DDX60L: variants seen among roughly 807,000 people sequenced by gnomAD.
The protein encoded by DDX60L is probable ATP-dependent RNA helicase DDX60-like.
In DDX60L, 191 loss-of-function variants were observed where a neutral mutation model predicts 211.6. The observed-to-expected ratio is 0.90, with a 90% CI of 0.80 to 1.02. The LOEUF is 1.02. DDX60L is among the 50% of genes least tolerant of loss of function. The pLI is 0.00. For missense variants in DDX60L, 2,007 were observed against 1,984.1 expected (o/e 1.01, Z -0.22); for synonymous variants, 706 against 694.1 (o/e 1.02, Z -0.27).
intron 35 of DDX60L, 69 bp from the exon 36 acceptor site, chr4:168,371,832 TCC>T: frequency 7.2e-7 from 1 of 1,382,262 alleles, no homozygotes; most frequent in Non-Finnish European, 9.8e-7. Context: ...GTTTGAGATT[TCC>T]TTTGTATGAA....
At chr4:168,423,395 T>C (rs959336775) in intron 15 of DDX60L, among the ~76,000 whole-genome samples, 1 of 152,144 alleles carries the variant, frequency 6.6e-6, no homozygotes, top group African/African-American at 2.4e-5. Context: ...TCAGGAAGCA[T>C]CTGTACAAAT....
intron 29 of DDX60L, chr4:168,389,966 G>C (rs1325752102): frequency 6.0e-6 from 1 of 166,220 alleles, no homozygotes; most frequent in Non-Finnish European, 1.2e-5. Context: ...ATACAATTCT[G>C]TTTTAAGTGC....
intron 25 of DDX60L, 27 bp from the exon 26 acceptor site, chr4:168,401,005 G>T (rs1560992992): frequency 1.3e-6 from 2 of 1,598,006 alleles, no homozygotes; most frequent in African/African-American, 2.7e-5. Flanking sequence ...ACAGTGCTTT[G>T]AAAAGACTAT....
Position 168,384,717 on chromosome 4 carries a change from G to T in DDX60L, c.4011C>A (p.Ser1337=). ...PLPKIKRLLA[S]SVPELRGQFP... ...ACTGTCCTCTCAGCTCAGGAACACT[G>T]GATGCAAGGAGTCTTTTTATTTTGG... The change falls in exon 30 of 38, where the codon TCC becomes TCA. Residue 1337 remains serine, a synonymous_variant. Coordinates refer to ENST00000682922, the MANE Select transcript of DDX60L (RefSeq NM_001012967.3). 6.2e-7 allele frequency: 1 copy of T among 1,613,802 alleles called. No homozygotes were observed. Among genetic ancestry groups the T allele is most frequent in the Non-Finnish European group, 8.5e-7 (1 of 1,179,926 alleles).
intron 1 of DDX60L, among the ~76,000 whole-genome samples, chr4:168,479,981 CAAAAAAAAA>C (rs60737462): frequency 3.0e-5 from 3 of 100,898 alleles, no homozygotes; most frequent in African/African-American, 1.1e-4. Context: ...GAGACTGACT[CAAAAAAAAA>C]AAAAAAAAAA....
At chr4:168,433,910 T>G (rs1261310443) in intron 10 of DDX60L, among the ~76,000 whole-genome samples, 1 of 152,238 alleles carries the variant, frequency 6.6e-6, no homozygotes. Context: ...GTACTTATAC[T>G]AGTTACACTA....
At chr4:168,407,009 C>T (rs1230638826) in intron 22 of DDX60L, among the ~76,000 whole-genome samples, 1 of 152,176 alleles carries the variant, frequency 6.6e-6, no homozygotes, top group Non-Finnish European at 1.5e-5. Flanking sequence ...CCTTAGAATG[C>T]CAGTGAGGGT....
In DDX60L at chr4:168,361,139, T is replaced by A; in HGVS notation, c.4991+10A>T. 3 of 1,593,894 alleles carry A rather than the reference T, an allele frequency of 1.9e-6. No homozygotes were observed. The highest frequency in any genetic ancestry group is 1.7e-6 in the Non-Finnish European group (2 of 1,165,038). On this transcript the variant is annotated intron_variant, in intron 37 of 37. Coordinates refer to ENST00000682922, the MANE Select transcript of DDX60L (RefSeq NM_001012967.3). ...ATAATTGAGAAAATCAAACTCAGCA[T>A]GAAACATACCTGATAGCCTGAATGT...
intron 1 of DDX60L, among the ~76,000 whole-genome samples, chr4:168,473,464 T>C (rs1397580622): frequency 6.6e-6 from 1 of 152,142 alleles, no homozygotes; most frequent in South Asian, 2.1e-4. Context: ...TGTGGATTTA[T>C]TGGGGGGCCA....
rs552372052 is a variant in DDX60L, at chr4:168,375,454, T to C, written c.4556A>G (p.Asp1519Gly). Reference sequence around the variant, plus strand: ...AGCAATCAGCAGGAAGGAGGCAAAATCCTTCATTACTGCCAGGTTATACTC... The same window carrying C: ...AGCAATCAGCAGGAAGGAGGCAAAACCCTTCATTACTGCCAGGTTATACTC... Reference protein sequence around the residue: ...LYEYNLAVMKDFASFLLIASK... With the variant: ...LYEYNLAVMKGFASFLLIASK... The change falls in exon 34 of 38, where the codon GAT becomes GGT. Residue 1519 changes from aspartate (D) to glycine (G), a missense_variant. Coordinates refer to ENST00000682922, the MANE Select transcript of DDX60L (RefSeq NM_001012967.3). 1 of 1,612,978 alleles carries C rather than the reference T, an allele frequency of 6.2e-7. No homozygotes were observed. The highest frequency in any genetic ancestry group is 1.7e-5 in the Admixed American group (1 of 59,864).
At chr4:168,443,894 GAAC>G in intron 9 of DDX60L, among the ~76,000 whole-genome samples, 1 of 147,180 alleles carries the variant, frequency 6.8e-6, no homozygotes. Context: ...ACATGGAAAG[GAAC>G]AACCGGTACC....
chr4:168,358,706 G>A (rs757918080), intron 37 of DDX60L, among the ~76,000 whole-genome samples: 1 of 151,596 alleles, frequency 6.6e-6, no homozygotes, highest in African/African-American at 2.4e-5. Context: ...TTTTAGTAGC[G>A]ACAGGGTTTC....
chr4:168,368,627 C>T (rs1740414513), intron 36 of DDX60L, among the ~76,000 whole-genome samples: 1 of 152,224 alleles, frequency 6.6e-6, no homozygotes. Flanking sequence ...CCACTGAAAG[C>T]TTGCACTGTG....
At chr4:168,440,474 T>C (rs1753668952) in intron 10 of DDX60L, among the ~76,000 whole-genome samples, 1 of 152,186 alleles carries the variant, frequency 6.6e-6, no homozygotes, top group Non-Finnish European at 1.5e-5. Context: ...ATTTCCTAAG[T>C]CCTTAACAGA....
At chr4:168,434,447 G>T (rs915344657) in intron 10 of DDX60L, among the ~76,000 whole-genome samples, 2 of 152,170 alleles carry the variant, frequency 1.3e-5, no homozygotes, top group Non-Finnish European at 2.9e-5. Context: ...AAATAAAATT[G>T]TAAGGGGAAC....
At chr4:168,441,575 T>C (rs1017458351) in intron 9 of DDX60L, 83 bp from the exon 10 acceptor site, 3 of 1,145,364 alleles carry the variant, frequency 2.6e-6, no homozygotes, top group South Asian at 3.2e-5. Flanking sequence ...AATAAATTCA[T>C]AGAGCTCTGG....
Position 168,400,972 on chromosome 4 carries a change from C to G in DDX60L, c.3345G>C (p.Lys1115Asn). The G allele has an allele frequency of 6.2e-7, 1 of 1,611,764 alleles. No individual in the cohort carries two copies. Among genetic ancestry groups the G allele is most frequent in the East Asian group, 2.2e-5 (1 of 44,856 alleles). ...CAGCTCTTTTTCCCACATCATCATTCTTAAACCTTAAAACAAATGAAAACA... is the reference window on the plus strand; with the variant it reads ...CAGCTCTTTTTCCCACATCATCATTGTTAAACCTTAAAACAAATGAAAACA... ...DKLPAIFFLFKNDDVGKRAGS... is the reference protein window; with the variant it reads ...DKLPAIFFLFNNDDVGKRAGS... The change falls in exon 26 of 38, where the codon AAG (lysine) becomes AAC (asparagine). Residue 1115 changes from lysine (K) to asparagine (N), a missense_variant. By Grantham distance (94) the Lys-to-Asn change is moderately conservative (BLOSUM62 0). Transcript: ENST00000682922.
chr4:168,438,625 G>A (rs1753396485), intron 10 of DDX60L, among the ~76,000 whole-genome samples: 1 of 152,174 alleles, frequency 6.6e-6, no homozygotes, highest in South Asian at 2.1e-4. Context: ...TTAACCTCCA[G>A]ACCTGTAAGA....
Position 168,378,458 on chromosome 4 carries a change from G to C in DDX60L, c.4381C>G (p.Gln1461Glu), listed in dbSNP as rs1485247767. The C allele has an allele frequency of 3.2e-6, 5 of 1,572,372 alleles. No homozygotes were observed. The highest frequency in any genetic ancestry group is 4.3e-6 in the Non-Finnish European group (5 of 1,156,780). ...AACACGAGCTTTTCCATCACATCTT[G>C]GGAAAATTGTTGTGAGCCTATTGAA... ...PAWKGSQQFS[Q>E]DVMEKLVLVL... The change falls in exon 33 of 38, where the codon CAA becomes GAA. Residue 1461 changes from glutamine (Q) to glutamate (E), a missense_variant. Transcript: ENST00000682922.
Sources: allele counts gnomAD v4.1 joint callset (sites outside exome capture counted in the v4.1 genomes callset), GRCh38; gene constraint gnomAD v4.1.1; transcripts MANE v1.5; gene names NCBI Gene and HGNC (gene_info 2026-07-23, HGNC 2026-07-21).